WWOX: variants seen among roughly 807,000 people sequenced by gnomAD.
The protein encoded by WWOX is WW domain-containing oxidoreductase.
A neutral mutation model predicts 46.2 loss-of-function variants in WWOX; 69 were observed. The ratio of observed to expected loss-of-function variants is 1.49; its 90% CI spans 1.23 to 1.82. WWOX has a LOEUF of 1.82. Ranked by LOEUF, WWOX falls within the 40% of genes most tolerant of loss-of-function variation. WWOX has a pLI of 0.00. For missense variants in WWOX, 919 were observed against 542.6 expected, an observed-to-expected ratio of 1.69 and a Z score of -6.89; for synonymous variants, 359 against 202.6, an observed-to-expected ratio of 1.77 and a Z score of -6.56.
At chr16:78,936,482 T>C (rs1258045174) in intron 8 of WWOX, among the ~76,000 whole-genome samples, 1 of 152,130 alleles carries the variant, frequency 6.6e-6, no homozygotes, top group Non-Finnish European at 1.5e-5. Context: ...GGTACATAAG[T>C]GCTTGCTAGC....
intron 8 of WWOX, among the ~76,000 whole-genome samples, chr16:78,462,719 CA>C (rs1168288436): frequency 1.3e-5 from 2 of 152,212 alleles, no homozygotes; most frequent in Non-Finnish European, 2.9e-5. Context: ...CATCTTAATA[CA>C]AACTGGCGTA....
intron 5 of WWOX, among the ~76,000 whole-genome samples, chr16:78,328,999 C>G (rs938428004): frequency 4.6e-5 from 7 of 152,032 alleles, no homozygotes; most frequent in Non-Finnish European, 7.4e-5. Context: ...GTACCTGGGA[C>G]TACAGGCTCC....
chr16:78,476,753 T>G (rs1004059452), intron 8 of WWOX, among the ~76,000 whole-genome samples: 1 of 152,156 alleles, frequency 6.6e-6, no homozygotes, highest in Non-Finnish European at 1.5e-5. Context: ...TAAATGAGTT[T>G]TAAAGTGAAA....
chr16:78,931,528 A>G (rs2045624162), intron 8 of WWOX, among the ~76,000 whole-genome samples: 1 of 152,190 alleles, frequency 6.6e-6, no homozygotes, highest in South Asian at 2.1e-4. Context: ...CATGTGCTTG[A>G]AGGAGAAAGG....
rs929792437 is a variant in WWOX, at chr16:78,933,912, C to G, written c.1057-277696C>G. On this transcript the variant is annotated intron_variant, in intron 8 of 8. Coordinates refer to ENST00000566780, the MANE Select transcript of WWOX (RefSeq NM_016373.4). ...AAACCATATCAAAACATAACTATAGCTGGGTGAAGTGGCTCGCACCTGTAA... is the reference window on the plus strand; with the variant it reads ...AAACCATATCAAAACATAACTATAGGTGGGTGAAGTGGCTCGCACCTGTAA... Among the ~76,000 whole-genome samples the G allele has an allele frequency of 2.0e-5, 3 of 152,204 alleles. 1 individual carries two copies. Among genetic ancestry groups the G allele is most frequent in the South Asian group, 4.2e-4 (2 of 4,814 alleles).
At chr16:78,840,519 G>C (rs145041826) in intron 8 of WWOX, among the ~76,000 whole-genome samples, 251 of 152,314 alleles carry the variant, frequency 1.6e-3, no homozygotes, top group African/African-American at 5.7e-3. Flanking sequence ...TACAGAGCCA[G>C]TGGTTTATTT....
At chr16:78,358,223 A>AAG (rs1328417998) in intron 5 of WWOX, among the ~76,000 whole-genome samples, 2 of 152,098 alleles carry the variant, frequency 1.3e-5, no homozygotes, top group East Asian at 3.9e-4. Flanking sequence ...TTACAAAAAA[A>AAG]AGAAGAAAAA....
intron 8 of WWOX, among the ~76,000 whole-genome samples, chr16:78,613,050 G>T (rs768681589): frequency 6.6e-6 from 1 of 152,058 alleles, no homozygotes; most frequent in Non-Finnish European, 1.5e-5. Flanking sequence ...GGTGCCTCTT[G>T]AGAGTTTGTA....
chr16:78,863,928 C>T (rs1035841124), intron 8 of WWOX, among the ~76,000 whole-genome samples: 1 of 152,166 alleles, frequency 6.6e-6, no homozygotes, highest in Non-Finnish European at 1.5e-5. Context: ...GTAGCATGTC[C>T]ATCTCTCTTT....
intron 5 of WWOX, among the ~76,000 whole-genome samples, chr16:78,208,554 T>C (rs1164646630): frequency 3.9e-5 from 6 of 152,232 alleles, no homozygotes; most frequent in Non-Finnish European, 8.8e-5. Flanking sequence ...ATGTTTAATA[T>C]GTTGCAGTTG....
intron 8 of WWOX, among the ~76,000 whole-genome samples, chr16:78,787,803 A>G (rs1041269546): frequency 8.5e-5 from 13 of 152,218 alleles, no homozygotes; most frequent in South Asian, 2.1e-4. Flanking sequence ...GAAGGTTCCA[A>G]TTTCTCCACA....
At chr16:78,251,151 T>TG (rs2037974455) in intron 5 of WWOX, among the ~76,000 whole-genome samples, 1 of 152,184 alleles carries the variant, frequency 6.6e-6, no homozygotes, top group South Asian at 2.1e-4. Flanking sequence ...TGGAATAACT[T>TG]GCCTAGTTCT....
At chr16:79,102,625 C>T (rs1250006611) in intron 8 of WWOX, among the ~76,000 whole-genome samples, 1 of 151,894 alleles carries the variant, frequency 6.6e-6, no homozygotes, top group Admixed American at 6.5e-5. Flanking sequence ...TCTCATTAAA[C>T]AAGAAACATA....
chr16:78,965,424 G>C (rs1384178708), intron 8 of WWOX, among the ~76,000 whole-genome samples: 1 of 152,070 alleles, frequency 6.6e-6, no homozygotes, highest in Non-Finnish European at 1.5e-5. Flanking sequence ...CAAAAAATTA[G>C]CTGGGCATGG....
intron 5 of WWOX, among the ~76,000 whole-genome samples, chr16:78,334,819 C>CAG (rs1318278458): frequency 2.9e-3 from 264 of 90,908 alleles, no homozygotes; most frequent in African/African-American, 8.0e-3. Flanking sequence ...CACACACACA[C>CAG]ACACACACAC....
intron 8 of WWOX, among the ~76,000 whole-genome samples, chr16:79,193,404 G>T (rs1204979161): frequency 6.6e-6 from 1 of 152,148 alleles, no homozygotes; most frequent in East Asian, 1.9e-4. Context: ...TATTCTTTAT[G>T]CCTCACTGAA....
intron 8 of WWOX, among the ~76,000 whole-genome samples, chr16:78,991,820 G>T (rs1040403409): frequency 1.5e-4 from 23 of 152,138 alleles, no homozygotes; most frequent in African/African-American, 5.5e-4. Context: ...TTTTCATCTC[G>T]GTGTTCATTA....
intron 6 of WWOX, among the ~76,000 whole-genome samples, chr16:78,396,525 G>A (rs948590428): frequency 2.6e-5 from 4 of 152,044 alleles, no homozygotes; most frequent in African/African-American, 7.2e-5. Flanking sequence ...TAAAAACCAC[G>A]CTTTGGAGGG....
At chr16:78,804,269 C>G (rs73575673) in intron 8 of WWOX, among the ~76,000 whole-genome samples, 134 of 152,270 alleles carry the variant, frequency 8.8e-4, no homozygotes, top group African/African-American at 3.2e-3. Flanking sequence ...CTGACACTGC[C>G]TGAGCCGGCT....
Sources: gnomAD v4.1 joint callset for allele counts (sites outside exome capture counted in the v4.1 genomes callset) on GRCh38, gnomAD v4.1.1 for gene constraint, MANE v1.5 for transcripts, NCBI Gene and HGNC (gene_info 2026-07-23, HGNC 2026-07-21) for gene names.